Variants in CDKAL1 observed in about 807,000 individuals in gnomAD.
CDKAL1 encodes the protein threonylcarbamoyladenosine tRNA methylthiotransferase.
A neutral mutation model predicts 68.2 loss-of-function variants in CDKAL1; 32 were observed. That is an observed-to-expected ratio of 0.47 (90% confidence interval 0.35 to 0.63). The LOEUF is 0.63. Among genes scored for constraint, CDKAL1 ranks in the 30% least tolerant of loss-of-function variants. The pLI is 0.00. For missense variants in CDKAL1, 606 were observed against 696.7 expected, an observed-to-expected ratio of 0.87 and a Z score of 1.47; for synonymous variants, 234 against 244.3, an observed-to-expected ratio of 0.96 and a Z score of 0.39.
intron 13 of CDKAL1, among the ~76,000 whole-genome samples, chr6:21,144,005 A>AC (rs1400033489): frequency 6.6e-6 from 1 of 151,954 alleles, no homozygotes; most frequent in Non-Finnish European, 1.5e-5. Context: ...GTAAAAAAAA[A>AC]ACAGCACAAT....
intron 8 of CDKAL1, among the ~76,000 whole-genome samples, chr6:20,831,017 C>G (rs1324730863): frequency 6.6e-6 from 1 of 151,374 alleles, no homozygotes; most frequent in Non-Finnish European, 1.5e-5. Context: ...TCTGCATAAT[C>G]TATTTTATAT....
At chr6:21,047,853 G>T (rs1033036486) in intron 11 of CDKAL1, among the ~76,000 whole-genome samples, 1 of 152,198 alleles carries the variant, frequency 6.6e-6, no homozygotes, top group Admixed American at 6.5e-5. Context: ...ATAGGGGATT[G>T]TACAGTAGGA....
intron 5 of CDKAL1, among the ~76,000 whole-genome samples, chr6:20,738,435 T>TA (rs1002533252): frequency 1.3e-5 from 2 of 151,250 alleles, no homozygotes; most frequent in African/African-American, 2.4e-5. Flanking sequence ...AAGAAATGCT[T>TA]AAAAAATAGC....
At chr6:20,856,258 T>C (rs1759334123) in intron 9 of CDKAL1, among the ~76,000 whole-genome samples, 1 of 152,064 alleles carries the variant, frequency 6.6e-6, no homozygotes, top group East Asian at 1.9e-4. Flanking sequence ...TGAATATGGG[T>C]TTAGTAGGTG....
At chr6:20,908,241 A>G (rs1000197317) in intron 9 of CDKAL1, among the ~76,000 whole-genome samples, 4 of 152,234 alleles carry the variant, frequency 2.6e-5, no homozygotes, top group African/African-American at 9.6e-5. Flanking sequence ...GACAAAAGAA[A>G]GGTTAATGTA....
intron 4 of CDKAL1, 54 bp downstream of exon 4, chr6:20,548,759 T>C: frequency 1.3e-6 from 1 of 778,548 alleles, no homozygotes; most frequent in Non-Finnish European, 2.1e-6. Context: ...ATTAAGCTTT[T>C]AGAGATAAAT....
At chr6:20,944,971 C>G (rs993946042) in intron 9 of CDKAL1, among the ~76,000 whole-genome samples, 1 of 152,112 alleles carries the variant, frequency 6.6e-6, no homozygotes, top group Admixed American at 6.6e-5. Flanking sequence ...AGGGCTGAAT[C>G]ACTAGCTGCT....
chr6:20,620,052 T>C (rs562132070), intron 4 of CDKAL1, among the ~76,000 whole-genome samples: 1 of 152,352 alleles, frequency 6.6e-6, no homozygotes, highest in Non-Finnish European at 1.5e-5. Context: ...AACTCACGTT[T>C]AGAGAGAATT....
intron 9 of CDKAL1, among the ~76,000 whole-genome samples, chr6:20,893,330 GA>G (rs1761509315): frequency 6.6e-6 from 1 of 152,128 alleles, no homozygotes; most frequent in African/African-American, 2.4e-5. Context: ...CAAAGCAAAA[GA>G]ACAATAGCAC....
chr6:20,943,775 T>C (rs1018459202), intron 9 of CDKAL1, among the ~76,000 whole-genome samples: 5 of 151,742 alleles, frequency 3.3e-5, no homozygotes, highest in African/African-American at 9.7e-5. Context: ...TTCCTATTGA[T>C]TGATATTTTT....
intron 3 of CDKAL1, among the ~76,000 whole-genome samples, chr6:20,548,228 A>G (rs1054300652): frequency 6.6e-6 from 1 of 152,114 alleles, no homozygotes; most frequent in African/African-American, 2.4e-5. Context: ...AGTGGTTTTT[A>G]TTTTAAAAAT....
intron 12 of CDKAL1, among the ~76,000 whole-genome samples, chr6:21,071,721 C>T (rs1490589151): frequency 1.3e-5 from 2 of 151,914 alleles, no homozygotes; most frequent in African/African-American, 2.4e-5. Context: ...ATGTATCTTC[C>T]TCCAGGGAGG....
At chr6:21,179,578 T>G (rs1472840666) in intron 13 of CDKAL1, among the ~76,000 whole-genome samples, 3 of 152,248 alleles carry the variant, frequency 2.0e-5, no homozygotes, top group African/African-American at 7.2e-5. Context: ...TGTTTATTCA[T>G]TATATATTTG....
At chr6:20,839,641 C>T (rs1456327186) in intron 8 of CDKAL1, among the ~76,000 whole-genome samples, 3 of 152,086 alleles carry the variant, frequency 2.0e-5, no homozygotes, top group Admixed American at 6.5e-5. Flanking sequence ...CCTTGTCTTA[C>T]AGCTCTCGTC....
chr6:21,114,595 G>A (rs1348645572), intron 13 of CDKAL1, among the ~76,000 whole-genome samples: 2 of 151,938 alleles, frequency 1.3e-5, no homozygotes, highest in African/African-American at 2.4e-5. Context: ...TTAGCCAGGT[G>A]TGGTGGCATG....
chr6:20,673,965 GTTCT>G (rs1249038146), intron 5 of CDKAL1, among the ~76,000 whole-genome samples: 1 of 152,042 alleles, frequency 6.6e-6, no homozygotes, highest in Admixed American at 6.6e-5. Flanking sequence ...TATGTTTTAT[GTTCT>G]TTGTTGCCTT....
At chr6:20,911,241 G>A (rs762495993) in intron 9 of CDKAL1, among the ~76,000 whole-genome samples, 1 of 152,188 alleles carries the variant, frequency 6.6e-6, no homozygotes, top group Non-Finnish European at 1.5e-5. Context: ...AGAACATGTT[G>A]TGGTATAGTC....
intron 10 of CDKAL1, among the ~76,000 whole-genome samples, chr6:20,982,704 G>A (rs1766219960): frequency 6.6e-6 from 1 of 151,166 alleles, no homozygotes; most frequent in Non-Finnish European, 1.5e-5. Context: ...TTAACATTGG[G>A]CAAAACCTTG....
rs143289725 is a variant in CDKAL1, at chr6:20,804,389, A to G, written c.638+23124A>G. 1.7e-3 allele frequency among the ~76,000 whole-genome samples: 261 copies of G among 152,368 alleles called. 1 individual carries two copies. The highest frequency in any genetic ancestry group is 5.9e-3 in the African/African-American group (247 of 41,582). On this transcript the variant is annotated intron_variant, in intron 8 of 15. Coordinates refer to ENST00000274695, the MANE Select transcript of CDKAL1 (RefSeq NM_017774.3). ...AGAATACAGGTGATCGGTTAGTTCA[A>G]GGATTAACAAACTACAGCCTGTGGG...
Sources: gnomAD v4.1 joint callset for allele counts (sites outside exome capture counted in the v4.1 genomes callset) on GRCh38, gnomAD v4.1.1 for gene constraint, MANE v1.5 for transcripts, NCBI Gene and HGNC (gene_info 2026-07-23, HGNC 2026-07-21) for gene names.